The following GUCY1A2 variants were observed in gnomAD, a reference collection of about 807,000 sequenced individuals.
GUCY1A2 encodes guanylate cyclase soluble subunit alpha-2.
In GUCY1A2, 27 loss-of-function variants were observed where a neutral mutation model predicts 63.5. The ratio of observed to expected loss-of-function variants is 0.43; its 90% CI spans 0.31 to 0.59. The LOEUF is 0.59. Ranked by LOEUF, GUCY1A2 falls within the 20% of genes least tolerant of loss-of-function variation. GUCY1A2 has a pLI of 0.11. For synonymous variants in GUCY1A2, 364 were observed against 343.5 expected (o/e 1.06, Z -0.66); for missense variants, 768 against 913.3 (o/e 0.84, Z 2.05).
At chr11:106,701,069 A>G (rs1248644039) in intron 7 of GUCY1A2, among the ~76,000 whole-genome samples, 1 of 152,146 alleles carries the variant, frequency 6.6e-6, no homozygotes, top group East Asian at 1.9e-4. Context: ...TTCTTCAATT[A>G]TTCCATTCGT....
chr11:106,853,196 A>C (rs1332275604), intron 4 of GUCY1A2, among the ~76,000 whole-genome samples: 1 of 152,088 alleles, frequency 6.6e-6, no homozygotes, highest in Admixed American at 6.6e-5. Flanking sequence ...AGACTTGGGA[A>C]ATTTTCAGTT....
intron 4 of GUCY1A2, among the ~76,000 whole-genome samples, chr11:106,850,273 G>T (rs1859334464): frequency 6.6e-6 from 1 of 151,594 alleles, no homozygotes; most frequent in Non-Finnish European, 1.5e-5. Context: ...ATTTCAATGT[G>T]TGTACAATGG....
intron 5 of GUCY1A2, among the ~76,000 whole-genome samples, chr11:106,802,775 T>C (rs1565294917): frequency 1.3e-5 from 2 of 152,140 alleles, no homozygotes; most frequent in Non-Finnish European, 2.9e-5. Flanking sequence ...TCACTTCTTC[T>C]TATAATGATG....
At chr11:106,744,627 G>T (rs1480538467) in intron 6 of GUCY1A2, among the ~76,000 whole-genome samples, 1 of 152,038 alleles carries the variant, frequency 6.6e-6, no homozygotes, top group Non-Finnish European at 1.5e-5. Context: ...CTTATAATAA[G>T]TTTGTTTTAG....
intron 4 of GUCY1A2, among the ~76,000 whole-genome samples, chr11:106,822,956 C>CT (rs1046863801): frequency 6.6e-6 from 1 of 152,064 alleles, no homozygotes; most frequent in African/African-American, 2.4e-5. Flanking sequence ...GTAATTGTTA[C>CT]TTTTTTTAAA....
At chr11:106,942,374 T>C (rs1860763076) in intron 3 of GUCY1A2, among the ~76,000 whole-genome samples, 1 of 152,176 alleles carries the variant, frequency 6.6e-6, no homozygotes, top group African/African-American at 2.4e-5. Flanking sequence ...TCACCATCAC[T>C]ATGTTATAAC....
intron 6 of GUCY1A2, among the ~76,000 whole-genome samples, chr11:106,766,407 C>T (rs996482996): frequency 2.0e-5 from 3 of 151,940 alleles, no homozygotes; most frequent in Non-Finnish European, 2.9e-5. Flanking sequence ...AAGTCCATAC[C>T]TTCTATTTCT....
intron 4 of GUCY1A2, among the ~76,000 whole-genome samples, chr11:106,840,948 A>AT (rs1275029819): frequency 6.6e-6 from 1 of 151,990 alleles, no homozygotes; most frequent in Non-Finnish European, 1.5e-5. Flanking sequence ...CAAAATGGTA[A>AT]TAATAGAAGT....
intron 4 of GUCY1A2, among the ~76,000 whole-genome samples, chr11:106,856,862 T>C (rs1360152373): frequency 6.6e-6 from 1 of 152,196 alleles, no homozygotes; most frequent in East Asian, 1.9e-4. Context: ...TTGGTGTCTT[T>C]ATAAGAAATG....
intron 4 of GUCY1A2, among the ~76,000 whole-genome samples, chr11:106,928,999 A>G (rs1860566637): frequency 6.6e-6 from 1 of 152,212 alleles, no homozygotes; most frequent in Non-Finnish European, 1.5e-5. Flanking sequence ...GTTCTGAATC[A>G]TGTTATAAGT....
chr11:106,917,982 G>C (rs923286498), intron 4 of GUCY1A2, among the ~76,000 whole-genome samples: 3 of 142,660 alleles, frequency 2.1e-5, no homozygotes, highest in African/African-American at 7.4e-5. Flanking sequence ...ACAAGGAGAA[G>C]TGGGTACCAT....
chr11:106,696,580 T>G (rs574593908), intron 7 of GUCY1A2, among the ~76,000 whole-genome samples: 3 of 152,242 alleles, frequency 2.0e-5, no homozygotes, highest in East Asian at 3.9e-4. Flanking sequence ...GTTCTCTATT[T>G]TCTATATTAT....
At position 106,916,398 on chromosome 11, in the gene GUCY1A2, C is replaced by T. The variant is rs540548578; in HGVS notation, c.1206+23062G>A. On this transcript the variant is annotated intron_variant, in intron 4 of 7. Coordinates refer to ENST00000526355, the MANE Select transcript of GUCY1A2 (RefSeq NM_000855.3). ...CTAATCCACATTGATAAAATCATACCTATCTCATTTGGTTGTTGAGAGTAT... is the reference window on the plus strand; with the variant it reads ...CTAATCCACATTGATAAAATCATACTTATCTCATTTGGTTGTTGAGAGTAT... 1.3e-4 allele frequency among the ~76,000 whole-genome samples: 19 copies of T among 145,216 alleles called. 4 individuals are homozygous for T. Among genetic ancestry groups the T allele is most frequent in the Non-Finnish European group, 2.0e-4 (13 of 64,580 alleles).
chr11:106,869,689 A>T (rs371886245), intron 4 of GUCY1A2, among the ~76,000 whole-genome samples: 1 of 152,160 alleles, frequency 6.6e-6, no homozygotes, highest in Admixed American at 6.5e-5. Context: ...ATTGTGGAAG[A>T]CAGTGTGGCG....
At chr11:106,888,363 G>A (rs2135476325) in intron 4 of GUCY1A2, among the ~76,000 whole-genome samples, 1 of 152,076 alleles carries the variant, frequency 6.6e-6, no homozygotes, top group African/African-American at 2.4e-5. Flanking sequence ...TACTCAGGAG[G>A]CTGAGGCAAG....
rs532121466 is a variant in GUCY1A2, at chr11:106,686,282, T to C, written c.*1267A>G. 6.1e-4 allele frequency: 133 copies of C among 219,172 alleles called. 3 individuals are homozygous for C. Among genetic ancestry groups the C allele is most frequent in the Non-Finnish European group, 2.7e-5 (3 of 109,146 alleles). The allele number at this position is 219,172 out of a possible 1,614,324, so 13.6% of individuals were successfully genotyped here. Reference sequence around the variant, plus strand: ...GAGCAGGACATGCGATGGAATCCTATCTGTAACTATAATGATTACTAGTTC... The same window carrying C: ...GAGCAGGACATGCGATGGAATCCTACCTGTAACTATAATGATTACTAGTTC... On this transcript the variant is annotated 3_prime_UTR_variant, in exon 8 of 8. Coordinates refer to ENST00000526355, the MANE Select transcript of GUCY1A2 (RefSeq NM_000855.3).
chr11:106,923,747 C>T (rs1565333023), intron 4 of GUCY1A2, among the ~76,000 whole-genome samples: 2 of 151,922 alleles, frequency 1.3e-5, no homozygotes, highest in African/African-American at 2.4e-5. Flanking sequence ...TAAATTTATT[C>T]TGGATGAGGA....
intron 4 of GUCY1A2, among the ~76,000 whole-genome samples, chr11:106,901,073 T>G (rs1295090641): frequency 1.3e-5 from 2 of 152,222 alleles, no homozygotes; most frequent in African/African-American, 4.8e-5. Context: ...GGAACTTCTT[T>G]CACAATTGGA....
intron 1 of GUCY1A2, among the ~76,000 whole-genome samples, chr11:106,989,912 C>T (rs1338982006): frequency 6.6e-6 from 1 of 152,140 alleles, no homozygotes; most frequent in African/African-American, 2.4e-5. Flanking sequence ...ATTTACTTTA[C>T]AGCTAATAAG....
Sources: allele counts gnomAD v4.1 joint callset (sites outside exome capture counted in the v4.1 genomes callset), GRCh38; gene constraint gnomAD v4.1.1; transcripts MANE v1.5; gene names NCBI Gene and HGNC (gene_info 2026-07-23, HGNC 2026-07-21).